Variants in MS4A13 observed in about 807,000 individuals in gnomAD.
MS4A13 encodes membrane spanning 4-domains A13.
MS4A13 carries 21 observed loss-of-function variants against 18.4 expected under a neutral mutation model. That is an observed-to-expected ratio of 1.14 (90% CI 0.81 to 1.64). MS4A13 has a LOEUF of 1.64. Among genes scored for constraint, MS4A13 ranks in the 40% most tolerant of loss-of-function variants. The pLI, the probability that MS4A13 is intolerant of heterozygous loss-of-function variation, is 0.00. For missense variants in MS4A13, 173 were observed against 176.8 expected, an observed-to-expected ratio of 0.98 and a Z score of 0.12; for synonymous variants, 62 against 57.2, an observed-to-expected ratio of 1.08 and a Z score of -0.38.
chr11:60,522,967 C>A (rs2086687745), intron 3 of MS4A13, among the ~76,000 whole-genome samples: 2 of 152,132 alleles, frequency 1.3e-5, no homozygotes, highest in Non-Finnish European at 1.5e-5. Context: ...TCACTTAAGC[C>A]TAAACTTTGA....
At chr11:60,527,404 C>CTGTGTGTGTGTG (rs1565212716) in intron 5 of MS4A13, among the ~76,000 whole-genome samples, 82 of 73,440 alleles carry the variant, frequency 1.1e-3, no homozygotes, top group Admixed American at 1.3e-3. Context: ...CTCTCTCTCT[C>CTGTGTGTGTGTG]TCTCTCTGTG....
At chr11:60,527,611 G>A (rs1268202931) in intron 5 of MS4A13, among the ~76,000 whole-genome samples, 9 of 151,944 alleles carry the variant, frequency 5.9e-5, no homozygotes, top group Non-Finnish European at 8.8e-5. Context: ...CAAGGCAGGC[G>A]GATCACTTGA....
intron 6 of MS4A13, among the ~76,000 whole-genome samples, chr11:60,538,357 G>C (rs1270925006): frequency 6.6e-6 from 1 of 151,428 alleles, no homozygotes; most frequent in Non-Finnish European, 1.5e-5. Context: ...TACGTAGACT[G>C]GGGACTATAA....
At chr11:60,536,437 A>G (rs2086809347) in intron 6 of MS4A13, among the ~76,000 whole-genome samples, 1 of 50,628 alleles carries the variant, frequency 2.0e-5, no homozygotes, top group Non-Finnish European at 4.1e-5. Context: ...TGCTTCAAAG[A>G]GAATAAAATA....
At chr11:60,517,552 T>G (rs1399551606) in intron 2 of MS4A13, among the ~76,000 whole-genome samples, 2 of 152,178 alleles carry the variant, frequency 1.3e-5, no homozygotes, top group African/African-American at 4.8e-5. Context: ...ATTGCTGTGT[T>G]GGATTATGCC....
At chr11:60,517,364 A>G (rs2086644591) in intron 2 of MS4A13, among the ~76,000 whole-genome samples, 1 of 152,238 alleles carries the variant, frequency 6.6e-6, no homozygotes, top group African/African-American at 2.4e-5. Flanking sequence ...AGAGTAATCA[A>G]AAATGTGATT....
intron 6 of MS4A13, 134 bp downstream of exon 6, chr11:60,529,594 TTTTA>T (rs2086749055): frequency 1.4e-5 from 6 of 430,602 alleles, no homozygotes; most frequent in Non-Finnish European, 2.4e-5. Context: ...TGCCTTTATT[TTTTA>T]TTTTTGTTAT....
chr11:60,532,429 G>A (rs1429555593), intron 6 of MS4A13, among the ~76,000 whole-genome samples: 4 of 152,198 alleles, frequency 2.6e-5, no homozygotes, highest in Non-Finnish European at 5.9e-5. Flanking sequence ...CTGGAAAATC[G>A]GGTCACTCCC....
intron 6 of MS4A13, among the ~76,000 whole-genome samples, chr11:60,539,394 TAAAC>T (rs1416386465): frequency 6.6e-6 from 1 of 150,428 alleles, no homozygotes; most frequent in Non-Finnish European, 1.5e-5. Context: ...AAAAACAAAA[TAAAC>T]AGACATAAAG....
intron 6 of MS4A13, among the ~76,000 whole-genome samples, chr11:60,538,226 A>G (rs2135271038): frequency 6.6e-6 from 1 of 151,794 alleles, no homozygotes; most frequent in East Asian, 1.9e-4. Context: ...TCATAGAAGC[A>G]GAAGGTAGAA....
At chr11:60,532,696 T>C (rs1565214707) in intron 6 of MS4A13, among the ~76,000 whole-genome samples, 1 of 148,864 alleles carries the variant, frequency 6.7e-6, no homozygotes, top group Non-Finnish European at 1.5e-5. Context: ...TGCCTGCCTC[T>C]GTAGGCTCCA....
At chr11:60,527,624 T>C (rs1006827127) in intron 5 of MS4A13, among the ~76,000 whole-genome samples, 7 of 151,892 alleles carry the variant, frequency 4.6e-5, no homozygotes, top group Admixed American at 2.0e-4. Flanking sequence ...TCACTTGAGA[T>C]CAGATGTTCG....
chr11:60,528,453 A>G (rs188394275), intron 5 of MS4A13, among the ~76,000 whole-genome samples: 28 of 152,214 alleles, frequency 1.8e-4, no homozygotes, highest in African/African-American at 1.9e-4. Context: ...TCCATTTTTT[A>G]TGGTACCTTA....
intron 3 of MS4A13, among the ~76,000 whole-genome samples, chr11:60,520,833 C>A (rs1479653477): frequency 6.6e-6 from 1 of 152,240 alleles, no homozygotes. Context: ...CTCTGTGTGG[C>A]AGCTCCGACC....
intron 5 of MS4A13, among the ~76,000 whole-genome samples, chr11:60,528,029 C>T (rs2086733194): frequency 6.6e-6 from 1 of 151,996 alleles, no homozygotes; most frequent in African/African-American, 2.4e-5. Flanking sequence ...TTTCCTTATC[C>T]TCCTGTTTAT....
At chr11:60,525,809 A>G (rs2086709654) in intron 5 of MS4A13, among the ~76,000 whole-genome samples, 1 of 152,094 alleles carries the variant, frequency 6.6e-6, no homozygotes, top group Admixed American at 6.6e-5. Context: ...AAATATAAAT[A>G]AACCTAACTT....
At chr11:60,532,489 G>C (rs1054208116) in intron 6 of MS4A13, among the ~76,000 whole-genome samples, 1 of 152,252 alleles carries the variant, frequency 6.6e-6, no homozygotes, top group Non-Finnish European at 1.5e-5. Flanking sequence ...CGCACCAGGA[G>C]ACTATATCCC....
rs2086757326 is a variant in MS4A13 at position 60,530,478 on chromosome 11, T to A, written c.402+1018T>A. ...CTGAAGAGAGGGAATGAGTTGCATT[T>A]CCAGAATGGCTGATTGAGGACATGG... On this transcript the variant is annotated intron_variant, in intron 6 of 6. Transcript: ENST00000378186. 2.0e-5 allele frequency among the ~76,000 whole-genome samples: 3 copies of A among 152,218 alleles called. No individual in the cohort carries two copies. In the South Asian group the frequency reaches 6.2e-4, roughly 31 times the overall value.
intron 6 of MS4A13, among the ~76,000 whole-genome samples, chr11:60,542,299 A>G (rs2086866641): frequency 6.6e-6 from 1 of 151,610 alleles, no homozygotes; most frequent in South Asian, 2.1e-4. Context: ...AAGAAAGAAG[A>G]AAGGGAGGAA....
Sources: gnomAD v4.1 joint callset for allele counts (sites outside exome capture counted in the v4.1 genomes callset) on GRCh38, gnomAD v4.1.1 for gene constraint, MANE v1.5 for transcripts, NCBI Gene and HGNC (gene_info 2026-07-23, HGNC 2026-07-21) for gene names.